The following ADAM23 variants were observed in gnomAD, a reference collection of about 807,000 sequenced individuals.
The protein encoded by ADAM23 is ADAM metallopeptidase domain 23, also known as disintegrin and metalloproteinase domain-containing protein 23.
A neutral mutation model predicts 120.1 loss-of-function variants in ADAM23; 33 were observed. The observed-to-expected ratio is 0.27, with a 90% CI of 0.21 to 0.37. ADAM23 has a LOEUF of 0.37. ADAM23 is among the 10% of genes least tolerant of loss of function. The pLI is 1.00. For missense variants in ADAM23, 862 were observed against 1,058.2 expected (o/e 0.81, Z 2.57); for synonymous variants, 367 against 375.2 (o/e 0.98, Z 0.25).
intron 3 of ADAM23, among the ~76,000 whole-genome samples, chr2:206,528,913 C>T (rs1156661339): frequency 6.6e-6 from 1 of 152,136 alleles, no homozygotes; most frequent in Non-Finnish European, 1.5e-5. Context: ...CCATTATAGT[C>T]CTTATAACAG....
At position 206,580,972 on chromosome 2, in the gene ADAM23, T is replaced by C. The variant is rs1157400533; in HGVS notation, c.1738-6353T>C. Among the ~76,000 whole-genome samples the C allele has an allele frequency of 2.6e-5, 4 of 152,200 alleles. No individual in the cohort carries two copies. The East Asian group carries it at 5.8e-4, about 22-fold the overall frequency. ...TTTCATTTTTCCAGGAATTTATCCA[T>C]CCCTTCTAGATTTTCTAGTGTATGT... On this transcript the variant is annotated intron_variant, in intron 18 of 25. Coordinates refer to ENST00000264377, the MANE Select transcript of ADAM23 (RefSeq NM_003812.4).
rs186794973 is a variant in ADAM23 at position 206,471,990 on chromosome 2, T to C, written c.433-9242T>C. The stretch of plus-strand genomic sequence containing the variant: ...TTGTAATTCAGTCTTTCTCCTTAGT[T>C]GGCATTGCCAGTTTAATATCCAGCA... On this transcript the variant is annotated intron_variant, in intron 2 of 25. Coordinates refer to ENST00000264377, the MANE Select transcript of ADAM23 (RefSeq NM_003812.4). Among the ~76,000 whole-genome samples the C allele has an allele frequency of 4.9e-3, 750 of 152,368 alleles. 2 individuals carry two copies. The highest frequency in any genetic ancestry group is 0.014 in the Middle Eastern group (4 of 294).
intron 18 of ADAM23, among the ~76,000 whole-genome samples, chr2:206,573,850 A>AG (rs1315321059): frequency 6.6e-6 from 1 of 151,882 alleles, no homozygotes; most frequent in Non-Finnish European, 1.5e-5. Context: ...GAAGCAGTAG[A>AG]GGGACCAGGA....
chr2:206,567,461 TATC>T (rs1697912475), intron 15 of ADAM23, 139 bp downstream of exon 15: 2 of 587,646 alleles, frequency 3.4e-6, no homozygotes, highest in African/African-American at 1.8e-5. Context: ...TAAAAGTCCT[TATC>T]ATGTTAAAGA....
chr2:206,462,065 C>T (rs1274976304), intron 2 of ADAM23, among the ~76,000 whole-genome samples: 2 of 152,058 alleles, frequency 1.3e-5, no homozygotes, highest in African/African-American at 4.8e-5. Flanking sequence ...CCAGAAAGTC[C>T]TGATTTGCCG....
At chr2:206,530,669 C>CTTTTTTTTTTTTTTTTTTTT (rs56206262) in intron 3 of ADAM23, among the ~76,000 whole-genome samples, 1 of 74,836 alleles carries the variant, frequency 1.3e-5, no homozygotes, top group Non-Finnish European at 2.5e-5. Context: ...TGTGTCTTGT[C>CTTTTTTTTTTTTTTTTTTTT]TTTTTTTTTT....
rs574239582 is a variant in ADAM23, at chr2:206,620,964, A to G, written c.*3337A>G. ...TATAGTCATTGTTGCTTCCATTGTT[A>G]GTTTCCATTTTCAAGTGCTTTGTAA... On this transcript the variant is annotated 3_prime_UTR_variant, in exon 26 of 26. Coordinates refer to ENST00000264377, the MANE Select transcript of ADAM23 (RefSeq NM_003812.4). The G allele has an allele frequency of 2.0e-5, 3 of 152,160 alleles. No individual in the cohort carries two copies. The highest frequency in any genetic ancestry group is 4.4e-5 in the Non-Finnish European group (3 of 68,018). The allele number at this position is 152,160 out of a possible 1,614,324, so 9.4% of individuals were successfully genotyped here.
At chr2:206,597,532 C>G (rs1029370345) in intron 24 of ADAM23, among the ~76,000 whole-genome samples, 9 of 152,046 alleles carry the variant, frequency 5.9e-5, no homozygotes, top group Admixed American at 5.9e-4. Flanking sequence ...ATTATTCTCC[C>G]GATTCTCAAC....
chr2:206,568,284 C>T (rs1350779024), intron 15 of ADAM23, among the ~76,000 whole-genome samples: 2 of 152,084 alleles, frequency 1.3e-5, no homozygotes, highest in South Asian at 2.1e-4. Context: ...ATTGGCATCT[C>T]GTCAAACTTT....
intron 6 of ADAM23, among the ~76,000 whole-genome samples, chr2:206,544,847 A>C (rs949419614): frequency 6.6e-6 from 1 of 152,054 alleles, no homozygotes; most frequent in African/African-American, 2.4e-5. Context: ...TTTTTTATAC[A>C]TACACAGTTC....
intron 16 of ADAM23, 35 bp downstream of exon 16, chr2:206,570,846 G>T: frequency 1.9e-6 from 3 of 1,573,518 alleles, no homozygotes; most frequent in African/African-American, 1.3e-5. Context: ...TTACAGCACA[G>T]ATCTTACTTG....
chr2:206,567,180 C>A, intron 14 of ADAM23, 43 bp from the exon 15 acceptor site: 2 of 1,459,392 alleles, frequency 1.4e-6, no homozygotes, highest in Non-Finnish European at 1.9e-6. Flanking sequence ...CTGATGATTG[C>A]TTTTGGTAAA....
intron 3 of ADAM23, among the ~76,000 whole-genome samples, chr2:206,482,415 T>C (rs150682106): frequency 1.6e-3 from 246 of 152,350 alleles, no homozygotes; most frequent in Non-Finnish European, 2.5e-3. Context: ...CTAATTTTAG[T>C]GTAAGTCCTC....
At chr2:206,550,265 A>G (rs1697486349) in intron 9 of ADAM23, 105 bp downstream of exon 9, 2 of 560,804 alleles carry the variant, frequency 3.6e-6, no homozygotes, top group African/African-American at 2.0e-5. Flanking sequence ...ACCCCAAGAT[A>G]TTCAGACATA....
chr2:206,503,550 A>T (rs753494431), intron 3 of ADAM23, among the ~76,000 whole-genome samples: 1 of 152,116 alleles, frequency 6.6e-6, no homozygotes, highest in African/African-American at 2.4e-5. Flanking sequence ...ACTGGGGGGA[A>T]ATCGTGAGAC....
intron 20 of ADAM23, among the ~76,000 whole-genome samples, chr2:206,588,676 A>T (rs1054934848): frequency 2.0e-5 from 3 of 152,212 alleles, no homozygotes; most frequent in African/African-American, 7.2e-5. Context: ...GTTCACGTGC[A>T]TATCCTCTTC....
intron 18 of ADAM23, among the ~76,000 whole-genome samples, chr2:206,578,505 G>C (rs1241717420): frequency 6.6e-6 from 1 of 151,970 alleles, no homozygotes; most frequent in Non-Finnish European, 1.5e-5. Flanking sequence ...CTCTCATCCA[G>C]GTCACTGCAA....
At chr2:206,456,927 A>G (rs987632273) in intron 2 of ADAM23, among the ~76,000 whole-genome samples, 4 of 152,178 alleles carry the variant, frequency 2.6e-5, no homozygotes, top group Admixed American at 1.3e-4. Context: ...AATTTACTGC[A>G]TCAAGTTGTA....
intron 18 of ADAM23, among the ~76,000 whole-genome samples, chr2:206,578,393 T>A (rs1698159677): frequency 1.3e-5 from 2 of 151,708 alleles, no homozygotes; most frequent in Non-Finnish European, 1.5e-5. Context: ...ATTGTATCAT[T>A]ATCATGTCTT....
Sources: allele counts gnomAD v4.1 joint callset (sites outside exome capture counted in the v4.1 genomes callset), GRCh38; gene constraint gnomAD v4.1.1; transcripts MANE v1.5; gene names NCBI Gene and HGNC (gene_info 2026-07-23, HGNC 2026-07-21).